CCDC178: variants seen among roughly 807,000 people sequenced by gnomAD.
CCDC178 encodes coiled-coil domain containing 178, also known as coiled-coil domain-containing protein 178.
Under a neutral mutation model 117.4 loss-of-function variants are expected in CCDC178, and 126 were observed. The observed-to-expected ratio is 1.07, with a 90% CI of 0.93 to 1.24. The LOEUF is 1.24. CCDC178 is among the 50% of genes most tolerant of loss of function. The probability of loss-of-function intolerance (pLI) is 0.00; values close to 1 mark genes in which losing one functional copy is unlikely to be tolerated. For synonymous variants in CCDC178, 283 were observed against 313.4 expected, an observed-to-expected ratio of 0.90 and a Z score of 1.02; for missense variants, 1,030 against 986.9, an observed-to-expected ratio of 1.04 and a Z score of -0.59.
chr18:33,295,769 A>AT (rs1203163954), intron 11 of CCDC178, among the ~76,000 whole-genome samples: 1 of 152,102 alleles, frequency 6.6e-6, no homozygotes, highest in East Asian at 1.9e-4. Flanking sequence ...CCAGGCTGAA[A>AT]TTTTTTTAAA....
At chr18:33,145,857 C>T (rs2058261276) in intron 20 of CCDC178, among the ~76,000 whole-genome samples, 1 of 152,094 alleles carries the variant, frequency 6.6e-6, no homozygotes, top group South Asian at 2.1e-4. Context: ...CACAGAGAAA[C>T]CAGTGGACTT....
intron 4 of CCDC178, among the ~76,000 whole-genome samples, chr18:33,394,932 T>C (rs1442101908): frequency 8.2e-6 from 1 of 121,298 alleles, no homozygotes; most frequent in Non-Finnish European, 1.7e-5. Flanking sequence ...TAAAAGCCTG[T>C]ATATGTATGT....
chr18:33,317,499 T>C (rs1444015745), intron 11 of CCDC178, among the ~76,000 whole-genome samples: 1 of 152,156 alleles, frequency 6.6e-6, no homozygotes, highest in East Asian at 1.9e-4. Context: ...AACCCACCAA[T>C]TCTGGACACA....
intron 21 of CCDC178, among the ~76,000 whole-genome samples, chr18:33,088,457 A>G (rs2057415302): frequency 6.6e-6 from 1 of 151,960 alleles, no homozygotes. Flanking sequence ...TCTTTGATTT[A>G]TTTCTTTCAT....
At chr18:33,303,903 G>A (rs1014593918) in intron 11 of CCDC178, among the ~76,000 whole-genome samples, 1 of 152,038 alleles carries the variant, frequency 6.6e-6, no homozygotes, top group Non-Finnish European at 1.5e-5. Flanking sequence ...AGAGAGGGAG[G>A]AAAGCTTGAA....
intron 12 of CCDC178, among the ~76,000 whole-genome samples, chr18:33,269,197 T>C (rs779349304): frequency 1.6e-4 from 25 of 151,862 alleles, no homozygotes; most frequent in Non-Finnish European, 3.1e-4. Flanking sequence ...CAGAGCATGG[T>C]TGTCCAAAAA....
intron 21 of CCDC178, among the ~76,000 whole-genome samples, chr18:33,050,027 T>C (rs1357057676): frequency 6.6e-6 from 1 of 152,020 alleles, no homozygotes; most frequent in East Asian, 1.9e-4. Context: ...TTTGCCGTGA[T>C]CTGAGATCCT....
intron 19 of CCDC178, among the ~76,000 whole-genome samples, chr18:33,214,013 G>T (rs1007261144): frequency 2.6e-5 from 4 of 152,106 alleles, no homozygotes; most frequent in African/African-American, 9.6e-5. Context: ...AATATCAGTA[G>T]ATTATTCATA....
At chr18:33,414,981 C>T (rs2063913355) in intron 2 of CCDC178, among the ~76,000 whole-genome samples, 1 of 152,144 alleles carries the variant, frequency 6.6e-6, no homozygotes, top group Non-Finnish European at 1.5e-5. Flanking sequence ...CAGAGAAATG[C>T]AAATCAAAAC....
chr18:32,999,302 T>G (rs1347154381), intron 21 of CCDC178, among the ~76,000 whole-genome samples: 4 of 152,148 alleles, frequency 2.6e-5, no homozygotes, highest in African/African-American at 9.7e-5. Flanking sequence ...GTGTTTTGCA[T>G]GCCAGCTCAG....
Position 33,316,244 on chromosome 18 carries a change from G to A in CCDC178, c.1022+7247C>T, listed in dbSNP as rs11873328. On this transcript the variant is annotated intron_variant, in intron 11 of 22. Transcript: ENST00000383096. ...GGTGTGGAGGGAGAGGCGCCGGCGGGAACCGGGGCTGCGCGCGGTGCTTGC... is the reference window on the plus strand; with the variant it reads ...GGTGTGGAGGGAGAGGCGCCGGCGGAAACCGGGGCTGCGCGCGGTGCTTGC... Among the ~76,000 whole-genome samples, 1,387 of 152,304 alleles carry A rather than the reference G, an allele frequency of 9.1e-3. 20 individuals carry two copies. The highest frequency in any genetic ancestry group is 0.031 in the African/African-American group (1,285 of 41,568).
chr18:33,203,198 G>A (rs1042551465), intron 20 of CCDC178, among the ~76,000 whole-genome samples: 5 of 152,032 alleles, frequency 3.3e-5, no homozygotes, highest in Non-Finnish European at 5.9e-5. Flanking sequence ...CTTATGAACT[G>A]AATTTTCATA....
At chr18:33,050,809 C>T (rs1459470438) in intron 21 of CCDC178, among the ~76,000 whole-genome samples, 1 of 152,130 alleles carries the variant, frequency 6.6e-6, no homozygotes, top group Non-Finnish European at 1.5e-5. Context: ...TCTATGCAGA[C>T]CTAGCTTAAG....
chr18:33,361,159 T>C (rs971759268), intron 6 of CCDC178, among the ~76,000 whole-genome samples: 4 of 151,438 alleles, frequency 2.6e-5, no homozygotes, highest in Non-Finnish European at 5.9e-5. Flanking sequence ...ACCAATGGAA[T>C]AGAATAGAGA....
At chr18:33,284,803 T>C (rs1352945081) in intron 12 of CCDC178, among the ~76,000 whole-genome samples, 4 of 152,120 alleles carry the variant, frequency 2.6e-5, no homozygotes, top group Admixed American at 2.0e-4. Context: ...ACTGGAATAA[T>C]CTTATGTGAG....
Position 33,224,852 on chromosome 18 carries a change from CCAGTGACAT to C in CCDC178, c.1732_1740del (p.Met578_Leu580del). 6.3e-7 allele frequency: 1 copy of C among 1,585,978 alleles called. No homozygotes were observed. The highest frequency in any genetic ancestry group is 8.6e-7 in the Non-Finnish European group (1 of 1,164,952). Reference sequence around the variant, plus strand: ...TGAAGCAGAGGTTCCTGTAGTTCTGCCAGTGACATGGCACATATTGCTCTATTTTTTATA... The same window carrying C: ...TGAAGCAGAGGTTCCTGTAGTTCTGCGGCACATATTGCTCTATTTTTTATA... On this transcript the variant is annotated inframe_deletion, in exon 17 of 23. Transcript: ENST00000383096.
chr18:33,403,878 C>G lies in CCDC178; in HGVS notation c.59-6670G>C, dbSNP rs116655278. ...TATATTTTTACTTTTATCTCCAGCT[C>G]CACCTTGTTCTCACAGTTGAAATTT... is the stretch of plus-strand genomic sequence containing the variant. On this transcript the variant is annotated intron_variant, in intron 3 of 22. Coordinates refer to ENST00000383096, the MANE Select transcript of CCDC178 (RefSeq NM_001105528.4). 5.5e-3 allele frequency among the ~76,000 whole-genome samples: 841 copies of G among 152,216 alleles called. 6 individuals carry two copies. The highest frequency in any genetic ancestry group is 0.019 in the African/African-American group (795 of 41,500).
intron 22 of CCDC178, among the ~76,000 whole-genome samples, chr18:32,939,080 C>A (rs2054182589): frequency 6.6e-6 from 1 of 151,988 alleles, no homozygotes; most frequent in Non-Finnish European, 1.5e-5. Flanking sequence ...GTGAAATAAT[C>A]CCTTAAAAGG....
At chr18:32,953,232 G>A (rs2054526558) in intron 22 of CCDC178, among the ~76,000 whole-genome samples, 1 of 152,214 alleles carries the variant, frequency 6.6e-6, no homozygotes, top group East Asian at 1.9e-4. Context: ...CATAACAAGA[G>A]CGACCTTTGC....
Sources: allele counts gnomAD v4.1 joint callset (sites outside exome capture counted in the v4.1 genomes callset), GRCh38; gene constraint gnomAD v4.1.1; transcripts MANE v1.5; gene names NCBI Gene and HGNC (gene_info 2026-07-23, HGNC 2026-07-21).